SAMTOR: variants seen among roughly 807,000 people sequenced by gnomAD.
The protein encoded by SAMTOR is S-adenosylmethionine sensor upstream of mTORC1.
At chr7:112,854,728 C>A in the SAMTOR span, among the ~76,000 whole-genome samples, 3 of 152,140 alleles carry the variant, frequency 2.0e-5, no homozygotes, top group Admixed American at 6.6e-5. Flanking sequence ...TTTTCAAGAA[C>A]ATATTACTAT....
the SAMTOR span, among the ~76,000 whole-genome samples, chr7:112,904,187 A>G: frequency 2.0e-5 from 3 of 152,140 alleles, no homozygotes; most frequent in Admixed American, 6.5e-5. Context: ...AAAAAACATA[A>G]TAAAGTTTAC....
At chr7:112,866,584 C>T in the SAMTOR span, among the ~76,000 whole-genome samples, 1 of 152,200 alleles carries the variant, frequency 6.6e-6, no homozygotes, top group African/African-American at 2.4e-5. Flanking sequence ...GGCTACACAG[C>T]AGTTGCCTGG....
At chr7:112,867,356 T>C in the SAMTOR span, among the ~76,000 whole-genome samples, 1 of 152,242 alleles carries the variant, frequency 6.6e-6, no homozygotes, top group African/African-American at 2.4e-5. Flanking sequence ...GTATAACTAC[T>C]GAAAATATAT....
chr7:112,887,886 A>T, the SAMTOR span, among the ~76,000 whole-genome samples: 3 of 152,004 alleles, frequency 2.0e-5, no homozygotes, highest in African/African-American at 7.2e-5. Flanking sequence ...GATCTTTTCA[A>T]ATGAAACCTT....
At chr7:112,885,060 T>C in the SAMTOR span, among the ~76,000 whole-genome samples, 1 of 152,230 alleles carries the variant, frequency 6.6e-6, no homozygotes, top group Non-Finnish European at 1.5e-5. Flanking sequence ...TCTTGGGACT[T>C]GCACCCTCTG....
chr7:112,919,261 G>A, the SAMTOR span, among the ~76,000 whole-genome samples: 1 of 152,210 alleles, frequency 6.6e-6, no homozygotes, highest in Non-Finnish European at 1.5e-5. Context: ...TCAGAGCACA[G>A]TGCAATCAAA....
chr7:112,938,257 A>G, the SAMTOR span, among the ~76,000 whole-genome samples: 4 of 152,236 alleles, frequency 2.6e-5, no homozygotes, highest in Non-Finnish European at 5.9e-5. Flanking sequence ...AACATATTTT[A>G]CCATCCTAAG....
the SAMTOR span, among the ~76,000 whole-genome samples, chr7:112,918,720 A>G: frequency 6.6e-6 from 1 of 152,224 alleles, no homozygotes; most frequent in Non-Finnish European, 1.5e-5. Context: ...GTGCAGAGAC[A>G]CACATAGGCT....
chr7:112,893,475 A>G, the SAMTOR span, among the ~76,000 whole-genome samples: 1 of 152,146 alleles, frequency 6.6e-6, no homozygotes, highest in African/African-American at 2.4e-5. Flanking sequence ...TTAGCCTTCA[A>G]TTGAAGAGAG....
the SAMTOR span, among the ~76,000 whole-genome samples, chr7:112,872,550 A>C: frequency 6.6e-6 from 1 of 152,192 alleles, no homozygotes. Context: ...TCTACCTAAG[A>C]ATTGCAACAA....
At chr7:112,922,912 C>T in the SAMTOR span, among the ~76,000 whole-genome samples, 1 of 146,426 alleles carries the variant, frequency 6.8e-6, no homozygotes, top group Non-Finnish European at 1.5e-5. Flanking sequence ...GGGCCAGCCG[C>T]CCCATCCGTC....
At chr7:112,915,197 C>T in the SAMTOR span, 3 of 1,049,690 alleles carry the variant, frequency 2.9e-6, no homozygotes, top group African/African-American at 3.3e-5. Context: ...GAGATCACGC[C>T]ATGCACTCCA....
At chr7:112,840,898 ACT>A in the SAMTOR span, among the ~76,000 whole-genome samples, 1 of 151,662 alleles carries the variant, frequency 6.6e-6, no homozygotes, top group African/African-American at 2.4e-5. Flanking sequence ...CATGCTAAAA[ACT>A]CTCAATAAAC....
chr7:112,903,595 T>G, the SAMTOR span, among the ~76,000 whole-genome samples: 4 of 152,172 alleles, frequency 2.6e-5, no homozygotes, highest in Non-Finnish European at 5.9e-5. Context: ...TCTTACATGA[T>G]ACACACTGAA....
chr7:112,838,952 G>A, the SAMTOR span, among the ~76,000 whole-genome samples: 5 of 151,580 alleles, frequency 3.3e-5, no homozygotes, highest in Admixed American at 6.6e-5. Flanking sequence ...GGTTTCATAA[G>A]AAAGGATGTC....
At chr7:112,918,925 C>A in the SAMTOR span, among the ~76,000 whole-genome samples, 1 of 152,182 alleles carries the variant, frequency 6.6e-6, no homozygotes, top group Non-Finnish European at 1.5e-5. Flanking sequence ...GCACCCAAGA[C>A]AGGAGCACCC....
the SAMTOR span, among the ~76,000 whole-genome samples, chr7:112,902,130 T>C: frequency 4.0e-4 from 61 of 151,364 alleles, no homozygotes; most frequent in African/African-American, 1.4e-3. Flanking sequence ...AGGCCGGGCG[T>C]GGTGGCTCAT....
the SAMTOR span, among the ~76,000 whole-genome samples, chr7:112,859,809 A>G: frequency 2.6e-5 from 4 of 152,250 alleles, no homozygotes; most frequent in African/African-American, 9.6e-5. Context: ...AAAGGAGTCA[A>G]AAAGTTAAAA....
the SAMTOR span, among the ~76,000 whole-genome samples, chr7:112,855,702 T>C: frequency 1.3e-5 from 2 of 152,214 alleles, no homozygotes; most frequent in Non-Finnish European, 2.9e-5. Context: ...CCTCCTCTTC[T>C]GCTAAATCTG....
Sources: gnomAD v4.1 joint callset for allele counts (sites outside exome capture counted in the v4.1 genomes callset) on GRCh38, gnomAD v4.1.1 for gene constraint, MANE v1.5 for transcripts, NCBI Gene and HGNC (gene_info 2026-07-23, HGNC 2026-07-21) for gene names.